The following ABCB5 variants were observed in gnomAD, a reference collection of about 807,000 sequenced individuals.
The protein encoded by ABCB5 is ATP binding cassette subfamily B member 5, also known as ATP-binding cassette sub-family B member 5.
Under a neutral mutation model 144.2 loss-of-function variants are expected in ABCB5, and 155 were observed. The ratio of observed to expected loss-of-function variants is 1.08; its 90% CI spans 0.94 to 1.23. ABCB5 has a LOEUF of 1.23. Ranked by LOEUF, ABCB5 falls within the 50% of genes most tolerant of loss-of-function variation. ABCB5 has a pLI of 0.00. For missense variants in ABCB5, 1,830 were observed against 1,520.8 expected (o/e 1.20, Z -3.38); for synonymous variants, 610 against 528.6 (o/e 1.15, Z -2.11).
intron 1 of ABCB5, among the ~76,000 whole-genome samples, chr7:20,617,693 A>G (rs902726790): frequency 3.3e-5 from 5 of 152,220 alleles, no homozygotes; most frequent in Admixed American, 2.0e-4. Context: ...TTAAAAATAT[A>G]TAATCTAACT....
intron 24 of ABCB5, among the ~76,000 whole-genome samples, chr7:20,740,900 AGT>A (rs1782539493): frequency 6.6e-6 from 1 of 152,076 alleles, no homozygotes; most frequent in African/African-American, 2.4e-5. Context: ...TAAGGTCAGG[AGT>A]TCAAGTTCAG....
intron 19 of ABCB5, among the ~76,000 whole-genome samples, chr7:20,701,010 A>G (rs1299428842): frequency 6.6e-6 from 1 of 152,180 alleles, no homozygotes. Context: ...AGGGAGCTAC[A>G]AGATACAAAA....
chr7:20,745,075 G>A (rs976397507), intron 25 of ABCB5, among the ~76,000 whole-genome samples, 157 bp from the exon 26 acceptor site: 4 of 152,178 alleles, frequency 2.6e-5, no homozygotes, highest in South Asian at 2.1e-4. Flanking sequence ...TCTATACAAC[G>A]TATGATTTAT....
intron 17 of ABCB5, 54 bp downstream of exon 17, chr7:20,698,604 G>A (rs1562567377): frequency 6.0e-6 from 9 of 1,507,492 alleles, no homozygotes; most frequent in Non-Finnish European, 8.0e-6. Flanking sequence ...AGTATGACCT[G>A]AGAGAACAAG....
intron 20 of ABCB5, among the ~76,000 whole-genome samples, chr7:20,717,119 T>A (rs1274009906): frequency 6.6e-6 from 1 of 152,070 alleles, no homozygotes; most frequent in Admixed American, 6.6e-5. Context: ...CCTCCAACAA[T>A]GCCAAGAACT....
At position 20,739,150 on chromosome 7, in the gene ABCB5, C is replaced by G. The variant is rs6461516; in HGVS notation, c.3024+11C>G. On this transcript the variant is annotated intron_variant, in intron 24 of 27. Coordinates refer to ENST00000404938, the MANE Select transcript of ABCB5 (RefSeq NM_001163941.2). ...GAAGGGAAAAAGCCAGTAAGCACAA[C>G]TGTGATCTTAAATGTCCAAATAAAG... 0.84 allele frequency: 1,321,618 copies of G among 1,582,688 alleles called. 552,748 individuals carry two copies. Among genetic ancestry groups the G allele is most frequent in the Middle Eastern group, 0.88 (5,074 of 5,772 alleles).
At position 20,756,901 on chromosome 7, in the gene ABCB5, A is replaced by G. The variant is rs1412359226; in HGVS notation, c.*1277A>G. On this transcript the variant is annotated 3_prime_UTR_variant, in exon 28 of 28. Transcript: ENST00000404938. ...ATTTACACATTTAGCTAGCCTCCCT[A>G]AAGTGTACTCTACCAATAATTGAAA... 1 of 152,336 alleles carries G rather than the reference A, an allele frequency of 6.6e-6. No homozygotes were observed. Among genetic ancestry groups the G allele is most frequent in the Non-Finnish European group, 1.5e-5 (1 of 68,042 alleles). 9.4% of individuals were successfully genotyped at this position (152,336 alleles called of 1,614,324 possible).
intron 9 of ABCB5, among the ~76,000 whole-genome samples, chr7:20,646,365 C>T (rs990612974): frequency 2.0e-4 from 30 of 152,186 alleles, no homozygotes; most frequent in Admixed American, 6.6e-4. Context: ...ATCTGCATTC[C>T]GCTTTTGGAA....
chr7:20,643,589 C>T lies in ABCB5; in HGVS notation c.635C>T (p.Ser212Phe). The T allele has an allele frequency of 6.8e-6, 11 of 1,613,958 alleles. No individual in the cohort carries two copies. The highest frequency in any genetic ancestry group is 9.3e-6 in the Non-Finnish European group (11 of 1,179,876). The change falls in exon 7 of 28, where the codon TCC becomes TTC. Residue 212 changes from serine (S) to phenylalanine (F), a missense_variant. Physicochemically the swap from Ser to Phe is radical, Grantham distance 155. Transcript: ENST00000404938. ...KGWKLTLVTL[S>F]TSPLIMASAA... is the part of the protein sequence containing the mutation. Reference sequence around the variant, plus strand: ...TGGAAACTCACCCTAGTGACTCTATCCACGTCTCCTCTTATAATGGCTTCA... The same window carrying T: ...TGGAAACTCACCCTAGTGACTCTATTCACGTCTCCTCTTATAATGGCTTCA...
At chr7:20,669,952 G>C (rs1039509884) in intron 14 of ABCB5, among the ~76,000 whole-genome samples, 3 of 152,182 alleles carry the variant, frequency 2.0e-5, no homozygotes, top group Non-Finnish European at 4.4e-5. Flanking sequence ...ATTCAAACTT[G>C]AAGTGTGAAA....
intron 13 of ABCB5, 182 bp downstream of exon 13, chr7:20,651,805 T>C: frequency 1.7e-6 from 1 of 597,000 alleles, no homozygotes. Flanking sequence ...CCAACACAAA[T>C]TTGTAAACTT....
chr7:20,667,700 TGCCCCTGCCCCTGCCCCTGCCCC>T (rs2128033716), intron 14 of ABCB5: 1 of 136,312 alleles, frequency 7.3e-6, no homozygotes, highest in Admixed American at 7.6e-5. Flanking sequence ...CCCCTGCCCC[TGCCCCTGCCCCTGCCCCTGCCCC>T]TGCCCCTGCC....
At chr7:20,660,277 A>C in intron 14 of ABCB5, 1 of 985,422 alleles carries the variant, frequency 1.0e-6, no homozygotes, top group African/African-American at 1.7e-5. Context: ...CAATATATGA[A>C]AATAATAACA....
chr7:20,707,172 T>C (rs1489000595), intron 20 of ABCB5, among the ~76,000 whole-genome samples: 1 of 152,234 alleles, frequency 6.6e-6, no homozygotes, highest in Admixed American at 6.5e-5. Context: ...TCAGTTATAT[T>C]TTATTCTATC....
At chr7:20,679,397 G>A (rs1428130760) in intron 14 of ABCB5, among the ~76,000 whole-genome samples, 1 of 146,010 alleles carries the variant, frequency 6.8e-6, no homozygotes, top group Non-Finnish European at 1.5e-5. Context: ...CTTGAACCTG[G>A]GAGGCAGCTG....
chr7:20,656,941 G>T (rs1219995054), intron 13 of ABCB5, among the ~76,000 whole-genome samples: 1 of 136,618 alleles, frequency 7.3e-6, no homozygotes, highest in African/African-American at 2.8e-5. Flanking sequence ...TTGATATGGG[G>T]TCTCACTCTG....
chr7:20,694,498 G>C (rs192048331), intron 16 of ABCB5, among the ~76,000 whole-genome samples: 1 of 151,950 alleles, frequency 6.6e-6, no homozygotes, highest in Admixed American at 6.6e-5. Context: ...AAAAAACAAC[G>C]GCTAACATCA....
At position 20,713,550 on chromosome 7, in the gene ABCB5, G is replaced by C. The variant is rs569460582; in HGVS notation, c.2421+8743G>C. Among the ~76,000 whole-genome samples, 5 of 149,708 alleles carry C rather than the reference G, an allele frequency of 3.3e-5. 1 individual carries two copies. The highest frequency in any genetic ancestry group is 7.4e-5 in the Non-Finnish European group (5 of 67,360). Reference sequence around the variant, plus strand: ...CATGCCTAACCCCCTGCCAATTTCTGACTGGATGCTACACATTGTGAATTT... The same window carrying C: ...CATGCCTAACCCCCTGCCAATTTCTCACTGGATGCTACACATTGTGAATTT... On this transcript the variant is annotated intron_variant, in intron 20 of 27. Transcript: ENST00000404938.
intron 16 of ABCB5, among the ~76,000 whole-genome samples, chr7:20,692,952 C>G (rs968575882): frequency 3.3e-5 from 5 of 152,106 alleles, no homozygotes; most frequent in Non-Finnish European, 7.4e-5. Flanking sequence ...TCTACTAAAT[C>G]TTAGTAGAAC....
Sources: gnomAD v4.1 joint callset for allele counts (sites outside exome capture counted in the v4.1 genomes callset) on GRCh38, gnomAD v4.1.1 for gene constraint, MANE v1.5 for transcripts, NCBI Gene and HGNC (gene_info 2026-07-23, HGNC 2026-07-21) for gene names.